Variants in THSD4 observed in about 807,000 individuals in gnomAD.
The protein encoded by THSD4 is thrombospondin type 1 domain containing 4.
THSD4 carries 69 observed loss-of-function variants against 119.0 expected under a neutral mutation model. The observed-to-expected ratio is 0.58, with a 90% CI of 0.48 to 0.71. THSD4 has a LOEUF of 0.71. Ranked by LOEUF, THSD4 falls within the 30% of genes least tolerant of loss-of-function variation. The pLI is 0.00. For missense variants in THSD4, 1,393 were observed against 1,391.1 expected (o/e 1.00, Z -0.02); for synonymous variants, 524 against 540.4 (o/e 0.97, Z 0.42).
intron 6 of THSD4, among the ~76,000 whole-genome samples, chr15:71,298,452 G>A (rs980495448): frequency 2.6e-5 from 4 of 151,960 alleles, no homozygotes; most frequent in African/African-American, 7.3e-5. Flanking sequence ...CTACTAGACC[G>A]GGGTATCAGC....
intron 8 of THSD4, among the ~76,000 whole-genome samples, chr15:71,690,262 G>A (rs1192144496): frequency 6.6e-6 from 1 of 152,148 alleles, no homozygotes; most frequent in Non-Finnish European, 1.5e-5. Flanking sequence ...GTCCTCTTTG[G>A]TGTTGCTGGC....
intron 7 of THSD4, among the ~76,000 whole-genome samples, chr15:71,601,626 G>A (rs988901376): frequency 6.6e-6 from 1 of 152,210 alleles, no homozygotes; most frequent in Admixed American, 6.5e-5. Flanking sequence ...ACTCTGAAGA[G>A]GCTGTAATCT....
rs78967090 is a variant in THSD4, at chr15:71,395,981, T to C, written c.1016-15706T>C. 5.5e-3 allele frequency among the ~76,000 whole-genome samples: 817 copies of C among 147,982 alleles called. 2 individuals carry two copies. Among genetic ancestry groups the C allele is most frequent in the African/African-American group, 0.02 (778 of 39,658 alleles). On this transcript the variant is annotated intron_variant, in intron 6 of 17. Coordinates refer to ENST00000261862, the MANE Select transcript of THSD4 (RefSeq NM_024817.3). ...CACAGACTTTGTTGAGCACATGGCCTGTTGTTCAGGCGTCGGGATTCGCTG... is the reference window on the plus strand; with the variant it reads ...CACAGACTTTGTTGAGCACATGGCCCGTTGTTCAGGCGTCGGGATTCGCTG...
chr15:71,631,075 GAGTACTCTGC>G (rs1477508290), intron 7 of THSD4, among the ~76,000 whole-genome samples: 1 of 152,128 alleles, frequency 6.6e-6, no homozygotes, highest in Non-Finnish European at 1.5e-5. Context: ...CCCCGCAGTT[GAGTACTCTGC>G]ATTGGATGGC....
At chr15:71,454,106 A>G (rs1317516823) in intron 7 of THSD4, among the ~76,000 whole-genome samples, 2 of 152,028 alleles carry the variant, frequency 1.3e-5, no homozygotes, top group African/African-American at 4.8e-5. Context: ...AAAATACAAA[A>G]ATTAGCCAGG....
intron 6 of THSD4, among the ~76,000 whole-genome samples, chr15:71,369,956 A>G (rs2046020893): frequency 6.6e-6 from 1 of 152,072 alleles, no homozygotes; most frequent in Admixed American, 6.6e-5. Context: ...CCTCAATTTC[A>G]GAGCTTGTTA....
chr15:71,661,149 G>A (rs568526255), intron 8 of THSD4, among the ~76,000 whole-genome samples: 24 of 152,240 alleles, frequency 1.6e-4, no homozygotes, highest in African/African-American at 4.8e-4. Context: ...GGTCTAAAGC[G>A]AAGCCATTTT....
At chr15:71,623,688 G>C (rs973574288) in intron 7 of THSD4, among the ~76,000 whole-genome samples, 1 of 152,052 alleles carries the variant, frequency 6.6e-6, no homozygotes, top group East Asian at 1.9e-4. Context: ...TTGAGAGGCC[G>C]AGGTGGGCGG....
intron 6 of THSD4, among the ~76,000 whole-genome samples, chr15:71,381,010 C>T (rs891131043): frequency 6.6e-6 from 1 of 152,112 alleles, no homozygotes; most frequent in African/African-American, 2.4e-5. Context: ...AATGCACCAC[C>T]TAAAGTTTTG....
chr15:71,154,504 C>T (rs548918407), intron 2 of THSD4, among the ~76,000 whole-genome samples: 19 of 152,362 alleles, frequency 1.2e-4, no homozygotes, highest in African/African-American at 3.8e-4. Flanking sequence ...CTGCCAGGCA[C>T]GGTGCATCCT....
At chr15:71,593,885 C>A (rs2049855866) in intron 7 of THSD4, among the ~76,000 whole-genome samples, 1 of 151,294 alleles carries the variant, frequency 6.6e-6, no homozygotes, top group South Asian at 2.1e-4. Context: ...GCCTGGACAA[C>A]AACACAAGAT....
At chr15:71,751,814 T>G (rs1022213857) in intron 14 of THSD4, among the ~76,000 whole-genome samples, 1 of 152,114 alleles carries the variant, frequency 6.6e-6, no homozygotes, top group Non-Finnish European at 1.5e-5. Flanking sequence ...ATTACAGTTA[T>G]AAGCCTCCAT....
chr15:71,651,091 A>G (rs1185249619), intron 7 of THSD4, among the ~76,000 whole-genome samples: 1 of 152,226 alleles, frequency 6.6e-6, no homozygotes, highest in East Asian at 1.9e-4. Context: ...CCTTGCTGTA[A>G]GATGGCTCCA....
chr15:71,468,956 A>G (rs1404937088), intron 7 of THSD4, among the ~76,000 whole-genome samples: 16 of 152,238 alleles, frequency 1.1e-4, no homozygotes, highest in Admixed American at 9.8e-4. Flanking sequence ...TGGGAAATGT[A>G]GTCTTTATTC....
chr15:71,669,999 A>G (rs375262765), intron 8 of THSD4, among the ~76,000 whole-genome samples: 1 of 152,346 alleles, frequency 6.6e-6, no homozygotes, highest in Non-Finnish European at 1.5e-5. Flanking sequence ...TTGCCTTGCA[A>G]TTTCCTTGCA....
chr15:71,547,564 G>C, intron 7 of THSD4: 1 of 1,491,282 alleles, frequency 6.7e-7, no homozygotes, highest in Non-Finnish European at 9.0e-7. Context: ...GAGGGATCAG[G>C]GAATGGAATT....
At chr15:71,277,634 G>A (rs2044607852) in intron 6 of THSD4, among the ~76,000 whole-genome samples, 1 of 152,138 alleles carries the variant, frequency 6.6e-6, no homozygotes, top group South Asian at 2.1e-4. Context: ...TTTTCTTTAA[G>A]ATTACTACGT....
In THSD4 at chr15:71,757,806, G is replaced by A. The variant is rs2053567722; in HGVS notation, c.2416-96G>A. ...TATTTCTAGGGGAAACAGACGGCAG[G>A]AAAATGAAGCATTCCATCCTCCTTT... is the stretch of plus-strand genomic sequence containing the variant. On this transcript the variant is annotated intron_variant, in intron 14 of 17. Transcript: ENST00000261862. The A allele has an allele frequency of 6.6e-6, 10 of 1,515,900 alleles. No homozygotes were observed. The South Asian group carries it at 1.1e-4, about 16-fold the overall frequency. 93.9% of individuals were successfully genotyped at this position (1,515,900 alleles called of 1,614,324 possible). A position where few individuals can be genotyped will look rare whatever the true frequency, so the allele number is the denominator to read the frequency against.
At chr15:71,478,084 A>G (rs761002810) in intron 7 of THSD4, among the ~76,000 whole-genome samples, 3 of 152,320 alleles carry the variant, frequency 2.0e-5, no homozygotes, top group Non-Finnish European at 4.4e-5. Context: ...TACATTCCAT[A>G]ACAGCATCTT....
Sources: allele counts gnomAD v4.1 joint callset (sites outside exome capture counted in the v4.1 genomes callset), GRCh38; gene constraint gnomAD v4.1.1; transcripts MANE v1.5; gene names NCBI Gene and HGNC (gene_info 2026-07-23, HGNC 2026-07-21).